The following UBE2S variants were observed in gnomAD, a reference collection of about 807,000 sequenced individuals.
UBE2S encodes the protein ubiquitin-conjugating enzyme E2 S.
UBE2S carries 3 observed loss-of-function variants against 12.3 expected under a neutral mutation model. The observed-to-expected ratio is 0.24, with a 90% CI of 0.11 to 0.63. UBE2S has a LOEUF of 0.63. UBE2S is among the 30% of genes least tolerant of loss of function. The probability of loss-of-function intolerance (pLI) is 0.85; values close to 1 mark genes in which losing one functional copy is unlikely to be tolerated. For synonymous variants in UBE2S, 133 were observed against 142.0 expected, an observed-to-expected ratio of 0.94 and a Z score of 0.45; for missense variants, 211 against 313.9, an observed-to-expected ratio of 0.67 and a Z score of 2.48.
At position 55,404,060 on chromosome 19, in the gene UBE2S, C is replaced by T; in HGVS notation, c.342+228G>A. ...AAAACCATCCTACAATACAAACTCACCACTCGTTGCATAGTAAGGTGCTCC... is the reference window on the plus strand; with the variant it reads ...AAAACCATCCTACAATACAAACTCATCACTCGTTGCATAGTAAGGTGCTCC... On this transcript the variant is annotated intron_variant, in intron 3 of 3. Transcript: ENST00000264552. The surrounding 1 kb of genome is among the most constrained non-coding windows in gnomAD (Gnocchi z 4.4). 1.8e-6 allele frequency: 1 copy of T among 553,710 alleles called. No individual in the cohort carries two copies. Among genetic ancestry groups the T allele is most frequent in the Non-Finnish European group, 3.2e-6 (1 of 313,552 alleles). The allele number at this position is 553,710 out of a possible 1,614,324, so 34.3% of individuals were successfully genotyped here.
In UBE2S at chr19:55,404,566, T is replaced by C; in HGVS notation, c.152-88A>G. On this transcript the variant is annotated intron_variant, in intron 2 of 3. Transcript: ENST00000264552. The surrounding 1 kb of genome is among the most constrained non-coding windows in gnomAD (Gnocchi z 4.4). ...CAAAGTCCAGTCTCCACGGTCTGAT[T>C]GTGATGCAGGTGGGTGCCCCGCCAA... 7.9e-7 allele frequency: 1 copy of C among 1,271,290 alleles called. No individual in the cohort carries two copies. The highest frequency in any genetic ancestry group is 1.5e-5 in the South Asian group (1 of 65,694). 78.8% of individuals were successfully genotyped at this position (1,271,290 alleles called of 1,614,324 possible).
intron 1 of UBE2S, among the ~76,000 whole-genome samples, 189 bp from the exon 2 acceptor site, chr19:55,407,151 G>A (rs1433159089): frequency 6.6e-6 from 1 of 151,788 alleles, no homozygotes; most frequent in Non-Finnish European, 1.5e-5. Flanking sequence ...AGAAATGGGG[G>A]CGGGTTCACG....
Position 55,407,568 on chromosome 19 carries a change from C to T in UBE2S, c.3+19G>A. 1.3e-6 allele frequency: 2 copies of T among 1,506,300 alleles called. No individual in the cohort carries two copies. Among genetic ancestry groups the T allele is most frequent in the Non-Finnish European group, 1.8e-6 (2 of 1,133,286 alleles). 93.3% of individuals were successfully genotyped at this position (1,506,300 alleles called of 1,614,324 possible). ...GGACACCCCCGACCACCTTCATGGG[C>T]CTCATCGCCCGTGCTCACCATGGCT... is the stretch of plus-strand genomic sequence containing the variant. On this transcript the variant is annotated intron_variant, in intron 1 of 3. Transcript: ENST00000264552.
In UBE2S at chr19:55,404,045, T is replaced by C. The variant is rs1320470493; in HGVS notation, c.342+243A>G. On this transcript the variant is annotated intron_variant, in intron 3 of 3. Transcript: ENST00000264552. This position sits in a 1 kb window ranked among gnomAD's most constrained non-coding sequence, Gnocchi z 4.4. ...AAAAGGGAGAAGAGAAAAACCATCC[T>C]ACAATACAAACTCACCACTCGTTGC... 12 of 520,502 alleles carry C rather than the reference T, an allele frequency of 2.3e-5. No homozygotes were observed. The East Asian group carries it at 3.6e-4, about 16-fold the overall frequency. The allele number at this position is 520,502 out of a possible 1,614,324, so 32.2% of individuals were successfully genotyped here.
intron 3 of UBE2S, among the ~76,000 whole-genome samples, chr19:55,402,373 A>G (rs1173133836): frequency 2.0e-5 from 3 of 152,248 alleles, no homozygotes; most frequent in Non-Finnish European, 4.4e-5. Flanking sequence ...GCAAGACACC[A>G]GGACTGCTGG....
intron 3 of UBE2S, chr19:55,402,853 T>TC (rs377028965): frequency 9.2e-7 from 1 of 1,091,882 alleles, no homozygotes; most frequent in East Asian, 2.6e-5. Flanking sequence ...ATCCTCTCCC[T>TC]CCCCATGGCA....
At chr19:55,403,002 A>T in intron 3 of UBE2S, 1 of 1,533,666 alleles carries the variant, frequency 6.5e-7, no homozygotes, top group South Asian at 1.2e-5. Context: ...AGCCTAGACC[A>T]GGACGCCTCC....
chr19:55,403,309 C>T (rs1175541508), intron 3 of UBE2S: 3 of 558,548 alleles, frequency 5.4e-6, no homozygotes, highest in South Asian at 2.4e-5. Flanking sequence ...CTAATGAGAC[C>T]CCATCTCTGC....
Position 55,404,525 on chromosome 19 carries a change from A to G in UBE2S, c.152-47T>C, listed in dbSNP as rs2090084015. The G allele has an allele frequency of 1.3e-6, 2 of 1,519,252 alleles. No individual in the cohort carries two copies. The highest frequency in any genetic ancestry group is 1.8e-6 in the Non-Finnish European group (2 of 1,127,522). The allele number at this position is 1,519,252 out of a possible 1,614,324, so 94.1% of individuals were successfully genotyped here. On this transcript the variant is annotated intron_variant, in intron 2 of 3. Coordinates refer to ENST00000264552, the MANE Select transcript of UBE2S (RefSeq NM_014501.3). The surrounding 1 kb of genome is among the most constrained non-coding windows in gnomAD (Gnocchi z 4.4). ...AGGGTCAGGGCACTCAGGAGTCCCA[A>G]GGCACCTCAACACCCCAAAGTCCAG... is the stretch of plus-strand genomic sequence containing the variant.
chr19:55,400,355 A>G lies in UBE2S; in HGVS notation c.*1081T>C, dbSNP rs1055460218. ...TTTAAAATTAATGAGACATTGGTCT[A>G]AATAACCTAAACGCATTAATAGAAT... On this transcript the variant is annotated 3_prime_UTR_variant, in exon 4 of 4. Transcript: ENST00000264552. 2 of 152,208 alleles carry G rather than the reference A, an allele frequency of 1.3e-5. No individual in the cohort carries two copies. Among genetic ancestry groups the G allele is most frequent in the Non-Finnish European group, 2.9e-5 (2 of 68,042 alleles). 9.4% of individuals were successfully genotyped at this position (152,208 alleles called of 1,614,324 possible). A position where few individuals can be genotyped will look rare whatever the true frequency, so the allele number is the denominator to read the frequency against.
chr19:55,403,200 C>A, intron 3 of UBE2S: 1 of 651,044 alleles, frequency 1.5e-6, no homozygotes, highest in Non-Finnish European at 2.8e-6. Context: ...GGCTGAGAAA[C>A]ACTGGTTTAT....
intron 3 of UBE2S, chr19:55,402,870 C>T: frequency 7.6e-7 from 1 of 1,320,114 alleles, no homozygotes. Context: ...GGCAGGAAAC[C>T]CCAATTCCCC....
Position 55,404,359 on chromosome 19 carries a change from T to G in UBE2S, c.271A>C (p.Asn91His), listed in dbSNP as rs2090082886. ...TKIFHPNVGA[N>H]GEICVNVLKR... The stretch of plus-strand genomic sequence containing the variant: ...AGCACGTTGACGCAGATCTCGCCAT[T>G]GGCGCCCACGTTCGGGTGGAAGATC... The change falls in exon 3 of 4, where the codon AAT becomes CAT. Residue 91 changes from asparagine (N) to histidine (H), a missense_variant. Around this residue, in one of 2 missense-constraint regions of UBE2S, gnomAD observed 127 missense variants for 224.0 expected, o/e 0.57. Transcript: ENST00000264552. The surrounding 1 kb of genome is among the most constrained non-coding windows in gnomAD (Gnocchi z 4.4). 4.3e-6 allele frequency: 7 copies of G among 1,613,780 alleles called. No homozygotes were observed. Among genetic ancestry groups the G allele is most frequent in the Non-Finnish European group, 5.9e-6 (7 of 1,179,846 alleles).
rs953483414 is a variant in UBE2S at position 55,406,894 on chromosome 19, G to A, written c.72C>T (p.Thr24=). The part of the protein sequence containing the change: ...RLVYKEVTTL[T]ADPPDGIKVF... ...CCTTGATGCCATCGGGTGGGTCTGC[G>A]GTCAGTGTCGTCACCTCCTTGTACA... Residue 24 remains threonine, a synonymous_variant, in exon 2 of 4, where the codon ACC becomes ACT. Transcript: ENST00000264552. The A allele has an allele frequency of 6.8e-6, 11 of 1,613,854 alleles. No homozygotes were observed. Among genetic ancestry groups the A allele is most frequent in the Non-Finnish European group, 9.3e-6 (11 of 1,179,960 alleles).
chr19:55,407,506 C>G, intron 1 of UBE2S, 81 bp downstream of exon 1: 1 of 1,464,294 alleles, frequency 6.8e-7, no homozygotes. Context: ...TCAAGGCCGC[C>G]CGTCGGAGGC....
chr19:55,407,752 ACCAAC>A lies in UBE2S; in HGVS notation c.-168_-164del, dbSNP rs1428274480. On this transcript the variant is annotated 5_prime_UTR_variant, in exon 1 of 4. Coordinates refer to ENST00000264552, the MANE Select transcript of UBE2S (RefSeq NM_014501.3). ...CCGACGTCCGCCGCGCACAGCGTAG[ACCAAC>A]CCGCCGCCCCGGTGCCCGGCAGCAC... 7.0e-4 allele frequency: 312 copies of A among 448,374 alleles called. 2 individuals carry two copies. In the East Asian group the frequency reaches 0.013, roughly 18 times the overall value. 27.8% of individuals were successfully genotyped at this position (448,374 alleles called of 1,614,324 possible).
At chr19:55,402,005 A>C (rs2090063223) in intron 3 of UBE2S, among the ~76,000 whole-genome samples, 2 of 152,214 alleles carry the variant, frequency 1.3e-5, no homozygotes, top group South Asian at 4.1e-4. Flanking sequence ...CCAATGGTTT[A>C]AAATGTCCCT....
Position 55,404,518 on chromosome 19 carries a change from A to G in UBE2S, c.152-40T>C. On this transcript the variant is annotated intron_variant, in intron 2 of 3. Coordinates refer to ENST00000264552, the MANE Select transcript of UBE2S (RefSeq NM_014501.3). This position sits in a 1 kb window ranked among gnomAD's most constrained non-coding sequence, Gnocchi z 4.4. ...GGGGTACAGGGTCAGGGCACTCAGG[A>G]GTCCCAAGGCACCTCAACACCCCAA... is the stretch of plus-strand genomic sequence containing the variant. The G allele has an allele frequency of 1.3e-6, 2 of 1,542,368 alleles. No homozygotes were observed. The highest frequency in any genetic ancestry group is 1.8e-6 in the Non-Finnish European group (2 of 1,141,352).
chr19:55,401,055 C>T lies in UBE2S; in HGVS notation c.*381G>A, dbSNP rs1435095738. 3 of 243,412 alleles carry T rather than the reference C, an allele frequency of 1.2e-5. No individual in the cohort carries two copies. Among genetic ancestry groups the T allele is most frequent in the Non-Finnish European group, 2.4e-5 (3 of 124,186 alleles). 15.1% of individuals were successfully genotyped at this position (243,412 alleles called of 1,614,324 possible). The stretch of plus-strand genomic sequence containing the variant: ...ACCAGGAGCAGCTCCAGGTCCTCGC[C>T]CCATTTTAGATTGGAAATCTGACTC... On this transcript the variant is annotated 3_prime_UTR_variant, in exon 4 of 4. Transcript: ENST00000264552.
Sources: allele counts gnomAD v4.1 joint callset (sites outside exome capture counted in the v4.1 genomes callset), GRCh38; gene constraint gnomAD v4.1.1; regional missense constraint gnomAD v4.1.1; non-coding constraint Gnocchi (gnomAD v3.1); transcripts MANE v1.5; gene names NCBI Gene and HGNC (gene_info 2026-07-23, HGNC 2026-07-21).